The following ZHX2 variants were observed in gnomAD, a reference collection of about 807,000 sequenced individuals.
ZHX2 encodes the protein zinc fingers and homeoboxes 2, also known as zinc fingers and homeoboxes protein 2.
A neutral mutation model predicts 21.9 loss-of-function variants in ZHX2; 6 were observed. The observed-to-expected ratio is 0.27, with a 90% CI of 0.15 to 0.54. ZHX2 has a LOEUF of 0.54. ZHX2 is among the 20% of genes least tolerant of loss of function. The pLI is 0.95. For missense variants in ZHX2, 908 were observed against 1,090.7 expected, an observed-to-expected ratio of 0.83 and a Z score of 2.36; for synonymous variants, 434 against 437.1, an observed-to-expected ratio of 0.99 and a Z score of 0.09.
rs1164714306 is a variant in ZHX2, at chr8:122,931,241, C to G, written c.-219-20051C>G. Among the ~76,000 whole-genome samples the G allele has an allele frequency of 4.6e-5, 7 of 152,162 alleles. No individual in the cohort carries two copies. The East Asian group carries it at 1.3e-3, about 29-fold the overall frequency. ...GCATGAGGCTCCACGCCTGGCGCCT[C>G]CAGGAGCCACGAGTATTATGCAGGG... On this transcript the variant is annotated intron_variant, in intron 2 of 3. Transcript: ENST00000314393.
chr8:122,848,540 C>T (rs1274590902), intron 1 of ZHX2, among the ~76,000 whole-genome samples: 2 of 152,202 alleles, frequency 1.3e-5, no homozygotes, highest in Admixed American at 1.3e-4. Context: ...TCTGAGAAGT[C>T]GGTTTTGTGT....
At chr8:122,951,186 C>T (rs1225338145) in intron 2 of ZHX2, 106 bp from the exon 3 acceptor site, 6 of 272,182 alleles carry the variant, frequency 2.2e-5, no homozygotes, top group Middle Eastern at 1.2e-3. Flanking sequence ...CATAGATGTT[C>T]GATTTGGGTG....
At chr8:122,785,610 A>G (rs1391857281) in intron 1 of ZHX2, among the ~76,000 whole-genome samples, 1 of 152,238 alleles carries the variant, frequency 6.6e-6, no homozygotes, top group Non-Finnish European at 1.5e-5. Context: ...GACTACTGCC[A>G]GGGAAGAGCA....
intron 1 of ZHX2, among the ~76,000 whole-genome samples, chr8:122,794,261 CT>C (rs958473862): frequency 2.8e-5 from 4 of 143,134 alleles, no homozygotes; most frequent in Non-Finnish European, 1.6e-5. Context: ...CCAGAGTTGA[CT>C]TTTTTTTCCA....
intron 1 of ZHX2, among the ~76,000 whole-genome samples, chr8:122,860,164 G>A (rs1170562596): frequency 6.6e-6 from 1 of 152,200 alleles, no homozygotes; most frequent in Non-Finnish European, 1.5e-5. Context: ...AGCGAAGGGG[G>A]AAGAGCTCCT....
intron 1 of ZHX2, among the ~76,000 whole-genome samples, chr8:122,862,685 T>A (rs563785708): frequency 6.6e-6 from 1 of 152,230 alleles, no homozygotes; most frequent in African/African-American, 2.4e-5. Flanking sequence ...AAAACAGGAA[T>A]GGATGAAAAG....
At chr8:122,964,724 C>CT (rs57190005) in intron 3 of ZHX2, among the ~76,000 whole-genome samples, 1 of 151,916 alleles carries the variant, frequency 6.6e-6, no homozygotes, top group Non-Finnish European at 1.5e-5. Flanking sequence ...GGTATCAATT[C>CT]TTTTTTTTGA....
chr8:122,883,856 G>T (rs1819773448), intron 2 of ZHX2, among the ~76,000 whole-genome samples: 1 of 152,226 alleles, frequency 6.6e-6, no homozygotes, highest in African/African-American at 2.4e-5. Context: ...GGCTCTTAAT[G>T]CATGACGTAA....
intron 2 of ZHX2, among the ~76,000 whole-genome samples, chr8:122,927,324 G>A (rs554905023): frequency 9.9e-5 from 15 of 152,070 alleles, no homozygotes; most frequent in Admixed American, 1.3e-4. Flanking sequence ...GTGAAACGCC[G>A]TCTCTACTAA....
intron 2 of ZHX2, among the ~76,000 whole-genome samples, chr8:122,922,415 G>A (rs1277693453): frequency 3.9e-5 from 6 of 152,242 alleles, no homozygotes; most frequent in South Asian, 4.1e-4. Context: ...GGAAGGGCTC[G>A]GACAGAGTCA....
At chr8:122,866,545 T>C (rs1372518848) in intron 2 of ZHX2, among the ~76,000 whole-genome samples, 1 of 152,194 alleles carries the variant, frequency 6.6e-6, no homozygotes, top group African/African-American at 2.4e-5. Context: ...ACACAGCGCC[T>C]GTGCCTAGGG....
intron 1 of ZHX2, among the ~76,000 whole-genome samples, chr8:122,788,643 A>G (rs1463053531): frequency 6.6e-6 from 1 of 152,232 alleles, no homozygotes; most frequent in Non-Finnish European, 1.5e-5. Context: ...CACAGAAAGA[A>G]GGTAGCAAAG....
intron 1 of ZHX2, among the ~76,000 whole-genome samples, chr8:122,792,789 G>A (rs576251127): frequency 4.4e-4 from 67 of 152,264 alleles, no homozygotes; most frequent in African/African-American, 1.6e-3. Flanking sequence ...GAGGTACCCA[G>A]CGTGCAAAAT....
At chr8:122,862,814 G>A (rs909911075) in intron 1 of ZHX2, among the ~76,000 whole-genome samples, 2 of 152,218 alleles carry the variant, frequency 1.3e-5, no homozygotes, top group African/African-American at 4.8e-5. Context: ...TCCCTGGCTC[G>A]GTGGCTGCTC....
In ZHX2 at chr8:122,913,521, G is replaced by A. The variant is rs550481753; in HGVS notation, c.-219-37771G>A. On this transcript the variant is annotated intron_variant, in intron 2 of 3. Coordinates refer to ENST00000314393, the MANE Select transcript of ZHX2 (RefSeq NM_014943.5). ...ATGATCACATGCCATGGCCTTAGTC[G>A]AGCCTGGTAAACTTATTGGCAGGTG... Among the ~76,000 whole-genome samples, 11 of 152,262 alleles carry A rather than the reference G, an allele frequency of 7.2e-5. No homozygotes were observed. The South Asian group carries it at 1.0e-3, about 14-fold the overall frequency.
intron 1 of ZHX2, among the ~76,000 whole-genome samples, chr8:122,863,141 G>C (rs981187754): frequency 6.6e-6 from 1 of 152,092 alleles, no homozygotes; most frequent in South Asian, 2.1e-4. Flanking sequence ...GACTCAAGGG[G>C]ACTCTGACTG....
intron 1 of ZHX2, among the ~76,000 whole-genome samples, chr8:122,843,048 G>A (rs1017675637): frequency 6.6e-6 from 1 of 152,208 alleles, no homozygotes; most frequent in Non-Finnish European, 1.5e-5. Context: ...AGCCCAACTA[G>A]CAAACCATCA....
chr8:122,880,225 C>T (rs1202410772), intron 2 of ZHX2, among the ~76,000 whole-genome samples: 5 of 151,924 alleles, frequency 3.3e-5, no homozygotes, highest in African/African-American at 1.2e-4. Context: ...TCACCCGCCT[C>T]AGCCTCCCAA....
At chr8:122,937,933 GTT>G (rs71310636) in intron 2 of ZHX2, among the ~76,000 whole-genome samples, 4 of 73,352 alleles carry the variant, frequency 5.5e-5, no homozygotes, top group South Asian at 6.1e-4. Flanking sequence ...TTTCTTTTTG[GTT>G]TTTTTTTTTT....
Sources: allele counts gnomAD v4.1 joint callset (sites outside exome capture counted in the v4.1 genomes callset), GRCh38; gene constraint gnomAD v4.1.1; transcripts MANE v1.5; gene names NCBI Gene and HGNC (gene_info 2026-07-23, HGNC 2026-07-21).